The following RBFOX1 variants were observed in gnomAD, a reference collection of about 807,000 sequenced individuals.
The protein encoded by RBFOX1 is RNA binding protein fox-1 homolog 1.
A neutral mutation model predicts 57.7 loss-of-function variants in RBFOX1; 8 were observed. The observed-to-expected ratio is 0.14, with a 90% CI of 0.08 to 0.25. The LOEUF (loss-of-function observed/expected upper bound fraction) is 0.25. Ranked by LOEUF, RBFOX1 falls within the 10% of genes least tolerant of loss-of-function variation. RBFOX1 has a pLI of 1.00. For missense variants in RBFOX1, 611 were observed against 548.5 expected, an observed-to-expected ratio of 1.11 and a Z score of -1.14; for synonymous variants, 326 against 222.4, an observed-to-expected ratio of 1.47 and a Z score of -4.15.
At chr16:7,437,625 G>C (rs563667415) in intron 4 of RBFOX1, among the ~76,000 whole-genome samples, 1 of 152,144 alleles carries the variant, frequency 6.6e-6, no homozygotes, top group Non-Finnish European at 1.5e-5. Flanking sequence ...TAACATAAAG[G>C]CTGTAATTAG....
At chr16:7,070,880 C>T (rs926829381) in intron 4 of RBFOX1, among the ~76,000 whole-genome samples, 69 of 152,132 alleles carry the variant, frequency 4.5e-4, no homozygotes, top group African/African-American at 1.6e-3. Flanking sequence ...CCAGCACTGA[C>T]AAGACTGTGG....
rs573248890 is a variant in RBFOX1 at position 6,856,938 on chromosome 16, C to T, written c.-15-195119C>T. On this transcript the variant is annotated intron_variant, in intron 3 of 15. Transcript: ENST00000550418. Reference sequence around the variant, plus strand: ...GAAAGAGAAAGAGAAGGAAAGAAAACGAACGGAGGGACATGAGAAGAAAGG... The same window carrying T: ...GAAAGAGAAAGAGAAGGAAAGAAAATGAACGGAGGGACATGAGAAGAAAGG... Among the ~76,000 whole-genome samples, 8 of 152,058 alleles carry T rather than the reference C, an allele frequency of 5.3e-5. No individual in the cohort carries two copies. In the East Asian group the frequency reaches 5.8e-4, roughly 11 times the overall value.
rs370783082 is a variant in RBFOX1 at position 6,410,689 on chromosome 16, G to A, written c.-64+93632G>A. On this transcript the variant is annotated intron_variant, in intron 2 of 15. Coordinates refer to ENST00000550418, the MANE Select transcript of RBFOX1 (RefSeq NM_018723.4). ...ACACTGATGTTGCTGCCTCTGGTGG[G>A]TGCACGTTGAATCACGTGTGTCTAT... Among the ~76,000 whole-genome samples, 15 of 152,294 alleles carry A rather than the reference G, an allele frequency of 9.8e-5. 1 individual carries two copies. Among genetic ancestry groups the A allele is most frequent in the Admixed American group, 3.9e-4 (6 of 15,292 alleles).
intron 5 of RBFOX1, among the ~76,000 whole-genome samples, chr16:7,562,269 C>T (rs2090560559): frequency 6.6e-6 from 1 of 152,054 alleles, no homozygotes. Context: ...TGGTGTCGTC[C>T]AAAACAGCAG....
chr16:7,072,450 G>A (rs2057519813), intron 4 of RBFOX1, among the ~76,000 whole-genome samples: 1 of 152,138 alleles, frequency 6.6e-6, no homozygotes, highest in South Asian at 2.1e-4. Flanking sequence ...GTAAGAGAAT[G>A]CTTATTTTGT....
At chr16:7,676,749 A>G (rs1162124885) in intron 13 of RBFOX1, 25 bp from the exon 14 acceptor site, 3 of 1,601,894 alleles carry the variant, frequency 1.9e-6, no homozygotes, top group Non-Finnish European at 2.6e-6. Flanking sequence ...TACATTCCTG[A>G]GTCACATTTC....
intron 4 of RBFOX1, among the ~76,000 whole-genome samples, chr16:5,881,639 C>T (rs796166935): frequency 1.3e-4 from 20 of 152,026 alleles, no homozygotes; most frequent in African/African-American, 4.6e-4. Context: ...AAAATTGTAC[C>T]GCTGCACTCC....
At chr16:6,761,541 T>C (rs1466836476) in intron 3 of RBFOX1, among the ~76,000 whole-genome samples, 1 of 124,746 alleles carries the variant, frequency 8.0e-6, no homozygotes, top group African/African-American at 3.1e-5. Flanking sequence ...AGAGTCTTGC[T>C]CTGTCACCCA....
intron 2 of RBFOX1, among the ~76,000 whole-genome samples, chr16:6,540,813 T>C (rs2153832067): frequency 6.6e-6 from 1 of 152,036 alleles, no homozygotes; most frequent in East Asian, 1.9e-4. Flanking sequence ...CTAGCTGTAC[T>C]TTTTTTTGCT....
At chr16:5,611,656 C>G (rs191683503) in intron 3 of RBFOX1, among the ~76,000 whole-genome samples, 15 of 151,680 alleles carry the variant, frequency 9.9e-5, no homozygotes, top group Non-Finnish European at 1.9e-4. Flanking sequence ...CTATCCATCC[C>G]TCCATCTACT....
chr16:6,692,372 A>C lies in RBFOX1; in HGVS notation c.-16+37722A>C, dbSNP rs192983373. On this transcript the variant is annotated intron_variant, in intron 3 of 15. Transcript: ENST00000550418. ...ATTTCTTACCTAGATCCTTGAAGTC[A>C]TTTGATACCTGGTATCTCTCCCTAG... 2.6e-4 allele frequency among the ~76,000 whole-genome samples: 39 copies of C among 152,230 alleles called. 1 individual carries two copies. The East Asian group carries it at 5.2e-3, about 20-fold the overall frequency.
At chr16:6,873,271 C>A (rs1440633376) in intron 3 of RBFOX1, among the ~76,000 whole-genome samples, 1 of 152,024 alleles carries the variant, frequency 6.6e-6, no homozygotes, top group Non-Finnish European at 1.5e-5. Context: ...CATTAGTTAT[C>A]TTGGTCCCAA....
intron 3 of RBFOX1, among the ~76,000 whole-genome samples, chr16:5,692,520 A>G (rs2050719468): frequency 6.6e-6 from 1 of 152,162 alleles, no homozygotes; most frequent in African/African-American, 2.4e-5. Context: ...GACCCTGAGT[A>G]GAGAAAGTCC....
At chr16:6,639,682 C>T (rs1036529239) in intron 2 of RBFOX1, among the ~76,000 whole-genome samples, 4 of 152,038 alleles carry the variant, frequency 2.6e-5, no homozygotes, top group African/African-American at 7.2e-5. Flanking sequence ...TGAGACCATC[C>T]TGGCTAACAT....
intron 4 of RBFOX1, among the ~76,000 whole-genome samples, chr16:7,110,435 A>G (rs1312354659): frequency 6.6e-6 from 1 of 152,168 alleles, no homozygotes; most frequent in African/African-American, 2.4e-5. Flanking sequence ...TGCAAAACAC[A>G]GCAAATATGA....
At position 5,283,475 on chromosome 16, in the gene RBFOX1, G is replaced by A. The variant is rs372050698; in HGVS notation, c.219+43370G>A. The stretch of plus-strand genomic sequence containing the variant: ...AAGGAGCCCCTCCTTTCACCTCCTG[G>A]TTTTATTCCAGGAGGGGTGTTATAC... On this transcript the variant is annotated intron_variant, in intron 1 of 2. Transcript: ENST00000585867. Among the ~76,000 whole-genome samples the A allele has an allele frequency of 2.0e-4, 31 of 152,208 alleles. No homozygotes were observed. The East Asian group carries it at 4.9e-3, about 24-fold the overall frequency.
chr16:7,135,478 C>G (rs1226458761), intron 4 of RBFOX1, among the ~76,000 whole-genome samples: 1 of 152,100 alleles, frequency 6.6e-6, no homozygotes, highest in Non-Finnish European at 1.5e-5. Context: ...TAAAGGGATC[C>G]GTGAATACTA....
intron 3 of RBFOX1, among the ~76,000 whole-genome samples, chr16:6,898,830 T>C (rs1041940804): frequency 6.6e-6 from 1 of 151,818 alleles, no homozygotes; most frequent in Non-Finnish European, 1.5e-5. Flanking sequence ...AATACATGTG[T>C]GTATGTGTGT....
chr16:5,706,693 C>G (rs73518017), intron 3 of RBFOX1, among the ~76,000 whole-genome samples: 9,359 of 152,120 alleles, frequency 0.062, 940 homozygotes, highest in African/African-American at 0.21. Flanking sequence ...TCCTAAAGCA[C>G]TGGTTGCCAA....
Sources: gnomAD v4.1 joint callset for allele counts (sites outside exome capture counted in the v4.1 genomes callset) on GRCh38, gnomAD v4.1.1 for gene constraint, MANE v1.5 for transcripts, NCBI Gene and HGNC (gene_info 2026-07-23, HGNC 2026-07-21) for gene names.